The following TNRC6B variants were observed in gnomAD, a reference collection of about 807,000 sequenced individuals.
The protein encoded by TNRC6B is trinucleotide repeat-containing gene 6B protein.
Under a neutral mutation model 203.6 loss-of-function variants are expected in TNRC6B, and 52 were observed. That is an observed-to-expected ratio of 0.26 (90% CI 0.20 to 0.32). The LOEUF (loss-of-function observed/expected upper bound fraction) is 0.32, where lower values mean the gene tolerates loss of function less well. Ranked by LOEUF, TNRC6B falls within the 10% of genes least tolerant of loss-of-function variation. The pLI is 1.00. For missense variants in TNRC6B, 1,923 were observed against 2,286.2 expected (o/e 0.84, Z 3.24); for synonymous variants, 838 against 845.7 (o/e 0.99, Z 0.16).
chr22:40,245,707 T>C (rs1330460460), intron 1 of TNRC6B, among the ~76,000 whole-genome samples: 1 of 110,018 alleles, frequency 9.1e-6, no homozygotes, highest in Non-Finnish European at 2.1e-5. Context: ...GAGTGGAAAT[T>C]AATCGTGTGT....
chr22:40,296,772 C>T (rs762154494), intron 12 of TNRC6B, among the ~76,000 whole-genome samples: 2 of 152,028 alleles, frequency 1.3e-5, no homozygotes, highest in South Asian at 2.1e-4. Context: ...GGATTACAGG[C>T]GCTTGCCACC....
intron 1 of TNRC6B, among the ~76,000 whole-genome samples, chr22:40,213,371 C>G (rs894642000): frequency 6.6e-6 from 1 of 152,258 alleles, no homozygotes; most frequent in African/African-American, 2.4e-5. Flanking sequence ...TTGATACGAG[C>G]AGTGACCCCG....
intron 1 of TNRC6B, among the ~76,000 whole-genome samples, chr22:40,057,363 G>A (rs1283742609): frequency 6.9e-6 from 1 of 144,630 alleles, no homozygotes; most frequent in Non-Finnish European, 1.5e-5. Context: ...GCACCATCTC[G>A]GCTCGTCGCA....
At chr22:40,064,166 T>C (rs2067876699) in intron 1 of TNRC6B, among the ~76,000 whole-genome samples, 1 of 152,220 alleles carries the variant, frequency 6.6e-6, no homozygotes, top group Admixed American at 6.5e-5. Flanking sequence ...CTTAGGATTT[T>C]CTTTATACAG....
At chr22:40,255,759 T>A (rs1475089506) in intron 3 of TNRC6B, among the ~76,000 whole-genome samples, 7 of 152,362 alleles carry the variant, frequency 4.6e-5, no homozygotes, top group Non-Finnish European at 1.0e-4. Context: ...TGGAGGTTGC[T>A]CTCTGTTCCT....
At chr22:40,154,141 G>A (rs899002949) in intron 3 of TNRC6B, among the ~76,000 whole-genome samples, 4 of 151,848 alleles carry the variant, frequency 2.6e-5, no homozygotes, top group African/African-American at 7.3e-5. Context: ...TCATGCCATA[G>A]CCCTCAGCCT....
At chr22:40,141,328 C>G (rs1255584436) in intron 3 of TNRC6B, among the ~76,000 whole-genome samples, 1 of 149,554 alleles carries the variant, frequency 6.7e-6, no homozygotes, top group African/African-American at 2.5e-5. Context: ...ACCTTAGCTT[C>G]CCAAGTAGTT....
intron 3 of TNRC6B, among the ~76,000 whole-genome samples, chr22:40,136,484 A>G (rs2068601094): frequency 6.6e-6 from 1 of 150,992 alleles, no homozygotes; most frequent in Non-Finnish European, 1.5e-5. Flanking sequence ...TTGCAGCCTG[A>G]ACCTCTTGGG....
At chr22:40,101,381 C>G (rs565079537) in intron 1 of TNRC6B, among the ~76,000 whole-genome samples, 2 of 152,296 alleles carry the variant, frequency 1.3e-5, no homozygotes, top group Admixed American at 6.5e-5. Flanking sequence ...GGCGCCACCC[C>G]CAGCATTTCT....
chr22:40,119,525 A>G (rs1161491503), intron 2 of TNRC6B, among the ~76,000 whole-genome samples: 1 of 152,230 alleles, frequency 6.6e-6, no homozygotes, highest in African/African-American at 2.4e-5. Flanking sequence ...CAGAGGTTGC[A>G]GTGAGCTGAT....
Position 40,270,189 on chromosome 22 carries a change from C to T in TNRC6B, c.2874C>T (p.Ser958=), listed in dbSNP as rs1301646997. Residue 958 remains serine, a synonymous_variant, in exon 6 of 23, where the codon AGC becomes AGT. Transcript: ENST00000454349. Reference sequence around the variant, plus strand: ...CCGCTTGGGGTGAGCCAAATGAAAGCAGTCCTGGGTGGGGCGAGATGGATG... The same window carrying T: ...CCGCTTGGGGTGAGCCAAATGAAAGTAGTCCTGGGTGGGGCGAGATGGATG... The part of the protein sequence containing the change: ...GTSAWGEPNE[S]SPGWGEMDDT... 1 of 1,573,742 alleles carries T rather than the reference C, an allele frequency of 6.4e-7. No individual in the cohort carries two copies.
intron 4 of TNRC6B, among the ~76,000 whole-genome samples, chr22:40,164,398 A>G (rs2068899071): frequency 6.6e-6 from 1 of 151,684 alleles, no homozygotes; most frequent in Non-Finnish European, 1.5e-5. Context: ...TAAAAAAAAA[A>G]AAAAAAAAAG....
chr22:40,155,331 C>T (rs1054498182), intron 3 of TNRC6B, among the ~76,000 whole-genome samples: 1 of 152,110 alleles, frequency 6.6e-6, no homozygotes, highest in Non-Finnish European at 1.5e-5. Context: ...CTCTGTCGCC[C>T]AGGCTGGAGT....
At chr22:40,253,521 T>A in intron 3 of TNRC6B, 1 of 450,762 alleles carries the variant, frequency 2.2e-6, no homozygotes, top group South Asian at 1.6e-5. Context: ...TTTTTTCCAA[T>A]TGGGGGCTTT....
chr22:40,168,033 G>T (rs1254565697), intron 4 of TNRC6B, among the ~76,000 whole-genome samples: 1 of 152,154 alleles, frequency 6.6e-6, no homozygotes, highest in African/African-American at 2.4e-5. Context: ...CTATCTATCT[G>T]TTGAAACCCA....
At chr22:40,315,763 C>T (rs151129361) in intron 20 of TNRC6B, among the ~76,000 whole-genome samples, 179 bp from the exon 21 acceptor site, 152 of 152,132 alleles carry the variant, frequency 1.0e-3, no homozygotes, top group African/African-American at 3.5e-3. Context: ...GCAAATCAGG[C>T]ATAAAAGTGC....
chr22:40,273,456 G>A lies in TNRC6B; in HGVS notation c.2997G>A (p.Glu999=), dbSNP rs753705518. 1 of 1,610,378 alleles carries A rather than the reference G, an allele frequency of 6.2e-7. No individual in the cohort carries two copies. Residue 999 remains glutamate (E), a synonymous_variant, in exon 7 of 23, where the codon GAG becomes GAA. Coordinates refer to ENST00000454349, the MANE Select transcript of TNRC6B (RefSeq NM_001162501.2). ...NSKSMQDGWG[E]SDGPVTGARH... Reference sequence around the variant, plus strand: ...AATCTATGCAAGACGGCTGGGGGGAGAGTGACGGGCCAGTCACAGGAGCTC... The same window carrying A: ...AATCTATGCAAGACGGCTGGGGGGAAAGTGACGGGCCAGTCACAGGAGCTC...
At chr22:40,050,828 GTT>G (rs796181578) in intron 1 of TNRC6B, among the ~76,000 whole-genome samples, 2 of 141,098 alleles carry the variant, frequency 1.4e-5, no homozygotes. Flanking sequence ...TTGTTTTTGG[GTT>G]TTTTTTTTTT....
At position 40,328,834 on chromosome 22, in the gene TNRC6B, A is replaced by G. The variant is rs1435041828; in HGVS notation, c.*5593A>G. The G allele has an allele frequency of 2.0e-5, 3 of 152,378 alleles. No individual in the cohort carries two copies. Among genetic ancestry groups the G allele is most frequent in the Admixed American group, 6.5e-5 (1 of 15,274 alleles). 9.4% of individuals were successfully genotyped at this position (152,378 alleles called of 1,614,324 possible). ...TCCCCATCCTCAGAGTTAAAATTCA[A>G]CATTTAAAGCTTTATCGGTTATTGT... is the stretch of plus-strand genomic sequence containing the variant. On this transcript the variant is annotated 3_prime_UTR_variant, in exon 23 of 23. Coordinates refer to ENST00000454349, the MANE Select transcript of TNRC6B (RefSeq NM_001162501.2).
Sources: allele counts gnomAD v4.1 joint callset (sites outside exome capture counted in the v4.1 genomes callset), GRCh38; gene constraint gnomAD v4.1.1; transcripts MANE v1.5; gene names NCBI Gene and HGNC (gene_info 2026-07-23, HGNC 2026-07-21).